Variants in ASTN1 observed in about 807,000 individuals in gnomAD.
ASTN1 encodes the protein astrotactin 1, also known as astrotactin-1.
A neutral mutation model predicts 140.7 loss-of-function variants in ASTN1; 41 were observed. That is an observed-to-expected ratio of 0.29 (90% CI 0.23 to 0.38). The LOEUF is 0.38. Ranked by LOEUF, ASTN1 falls within the 10% of genes least tolerant of loss-of-function variation. ASTN1 has a pLI of 1.00. For synonymous variants in ASTN1, 640 were observed against 652.2 expected (o/e 0.98, Z 0.29); for missense variants, 1,479 against 1,678.8 (o/e 0.88, Z 2.08).
At chr1:176,894,461 T>C (rs1296888636) in intron 17 of ASTN1, 101 bp downstream of exon 17, 3 of 1,440,158 alleles carry the variant, frequency 2.1e-6, no homozygotes, top group Non-Finnish European at 2.8e-6. Flanking sequence ...ATCCATATTC[T>C]AGCATGGCCC....
At chr1:176,982,261 G>A (rs772008464) in intron 8 of ASTN1, among the ~76,000 whole-genome samples, 2 of 152,176 alleles carry the variant, frequency 1.3e-5, no homozygotes, top group African/African-American at 2.4e-5. Flanking sequence ...AGATTCCAAA[G>A]CCATGGCCTT....
chr1:177,013,053 A>G (rs546810060), intron 8 of ASTN1, among the ~76,000 whole-genome samples: 2 of 152,340 alleles, frequency 1.3e-5, no homozygotes, highest in East Asian at 3.9e-4. Context: ...GTAAATAGCC[A>G]GTGGTATTAC....
At position 176,884,497 on chromosome 1, in the gene ASTN1, G is replaced by A; in HGVS notation, c.3075-7C>T. The A allele has an allele frequency of 1.9e-6, 3 of 1,600,786 alleles. No individual in the cohort carries two copies. Among genetic ancestry groups the A allele is most frequent in the Non-Finnish European group, 2.6e-6 (3 of 1,169,410 alleles). On this transcript the variant is annotated splice_polypyrimidine_tract_variant and splice_region_variant and intron_variant, in intron 18 of 22. Coordinates refer to ENST00000361833, the MANE Select transcript of ASTN1 (RefSeq NM_004319.3). ...AACCGTGGAGAGTCTCAGCCTGTGT[G>A]CAGACAGGAAGGAACATGAAACAGG...
At chr1:177,100,341 T>C (rs1472221998) in intron 1 of ASTN1, among the ~76,000 whole-genome samples, 1 of 152,070 alleles carries the variant, frequency 6.6e-6, no homozygotes, top group African/African-American at 2.4e-5. Context: ...AAAAAAGCCT[T>C]AGGCAACTAA....
chr1:176,929,535 G>A (rs1192238706), intron 16 of ASTN1, among the ~76,000 whole-genome samples: 2 of 152,160 alleles, frequency 1.3e-5, no homozygotes, highest in African/African-American at 4.8e-5. Flanking sequence ...TGGACTTCTG[G>A]CCCCAGAACT....
chr1:176,891,256 T>G (rs1222548340), intron 17 of ASTN1, among the ~76,000 whole-genome samples: 1 of 152,224 alleles, frequency 6.6e-6, no homozygotes, highest in Non-Finnish European at 1.5e-5. Flanking sequence ...AGGAAAGAAA[T>G]AAAATTTTCC....
Position 176,865,608 on chromosome 1 carries a change from T to G in ASTN1, c.3648-1087A>C, listed in dbSNP as rs114468396. On this transcript the variant is annotated intron_variant, in intron 22 of 22. Coordinates refer to ENST00000361833, the MANE Select transcript of ASTN1 (RefSeq NM_004319.3). ...GTGACTTGGAAAACTCAATGAAGAC[T>G]ACTGACTTGGAAACCTCAATAAACA... Among the ~76,000 whole-genome samples, 422 of 152,354 alleles carry G rather than the reference T, an allele frequency of 2.8e-3. 2 individuals are homozygous for G. The highest frequency in any genetic ancestry group is 9.8e-3 in the African/African-American group (406 of 41,582).
Position 177,113,732 on chromosome 1 carries a change from C to T in ASTN1, c.283+50662G>A, listed in dbSNP as rs539199928. 2.2e-3 allele frequency among the ~76,000 whole-genome samples: 328 copies of T among 152,282 alleles called. 1 individual carries two copies. The highest frequency in any genetic ancestry group is 3.4e-3 in the Non-Finnish European group (234 of 68,030). On this transcript the variant is annotated intron_variant, in intron 1 of 22. Transcript: ENST00000361833. ...AACCTTGCTGCAGTCTCCCAAGTCT[C>T]GCCACAGGATTCATCAATAGTCAGT...
chr1:176,967,939 G>C (rs1473691370), intron 8 of ASTN1, among the ~76,000 whole-genome samples: 3 of 151,222 alleles, frequency 2.0e-5, no homozygotes, highest in African/African-American at 7.3e-5. Flanking sequence ...GTGTAGTGTA[G>C]ACCCCATCCT....
intron 1 of ASTN1, among the ~76,000 whole-genome samples, chr1:177,134,400 C>T (rs1682081508): frequency 6.6e-6 from 1 of 152,176 alleles, no homozygotes; most frequent in Admixed American, 6.5e-5. Context: ...CCCTGGAGTC[C>T]TGCCTAATGG....
In ASTN1 at chr1:176,965,515, A is replaced by G. The variant is rs111774119; in HGVS notation, c.1524-278T>C. Among the ~76,000 whole-genome samples the G allele has an allele frequency of 2.2e-3, 335 of 152,380 alleles. 2 individuals carry two copies. Among genetic ancestry groups the G allele is most frequent in the African/African-American group, 7.6e-3 (318 of 41,598 alleles). On this transcript the variant is annotated intron_variant, in intron 8 of 22. Transcript: ENST00000361833. ...ATAGAGTAAAACTATATGAAGATAG[A>G]TGTCACATATTCATAATTCATGGTC... is the stretch of plus-strand genomic sequence containing the variant.
intron 1 of ASTN1, among the ~76,000 whole-genome samples, chr1:177,162,130 C>T (rs1053481687): frequency 6.6e-6 from 1 of 152,122 alleles, no homozygotes; most frequent in Non-Finnish European, 1.5e-5. Context: ...CACTACAGCC[C>T]TCACCATTGG....
chr1:177,100,393 G>A (rs2102128141), intron 1 of ASTN1, among the ~76,000 whole-genome samples: 1 of 152,194 alleles, frequency 6.6e-6, no homozygotes, highest in East Asian at 1.9e-4. Flanking sequence ...ACAGCTCCTA[G>A]TCATACATTT....
At chr1:177,131,385 A>C (rs1193842640) in intron 1 of ASTN1, among the ~76,000 whole-genome samples, 1 of 152,220 alleles carries the variant, frequency 6.6e-6, no homozygotes, top group East Asian at 1.9e-4. Flanking sequence ...ATCCAATAGA[A>C]TACTTAACAT....
intron 8 of ASTN1, among the ~76,000 whole-genome samples, chr1:176,975,544 G>A (rs1673328789): frequency 6.6e-6 from 1 of 152,218 alleles, no homozygotes; most frequent in Non-Finnish European, 1.5e-5. Flanking sequence ...ATAAAGTAGT[G>A]GGTGGAGCAG....
chr1:176,944,079 ATTTT>A (rs35968661), intron 13 of ASTN1, 61 bp from the exon 14 acceptor site: 68 of 1,416,012 alleles, frequency 4.8e-5, no homozygotes, highest in South Asian at 1.6e-4. Flanking sequence ...CTTACTGAGC[ATTTT>A]TTTTTTTTTT....
At chr1:176,964,047 T>C (rs1445483134) in intron 9 of ASTN1, among the ~76,000 whole-genome samples, 3 of 152,168 alleles carry the variant, frequency 2.0e-5, no homozygotes, top group African/African-American at 7.2e-5. Flanking sequence ...AACACTGCTA[T>C]GGCTAAGCTG....
intron 1 of ASTN1, among the ~76,000 whole-genome samples, chr1:177,129,739 C>T (rs1031575287): frequency 5.3e-5 from 8 of 152,118 alleles, no homozygotes; most frequent in Non-Finnish European, 8.8e-5. Flanking sequence ...GAGGCCGAGG[C>T]GGGCAGATCA....
chr1:177,106,205 T>C (rs1468436808), intron 1 of ASTN1, among the ~76,000 whole-genome samples: 2 of 152,174 alleles, frequency 1.3e-5, no homozygotes, highest in Non-Finnish European at 2.9e-5. Flanking sequence ...TTGCAAGCAC[T>C]CTGTAAATAG....
Sources: allele counts gnomAD v4.1 joint callset (sites outside exome capture counted in the v4.1 genomes callset), GRCh38; gene constraint gnomAD v4.1.1; transcripts MANE v1.5; gene names NCBI Gene and HGNC (gene_info 2026-07-23, HGNC 2026-07-21).